The following NALF1 variants were observed in gnomAD, a reference collection of about 807,000 sequenced individuals.
NALF1 encodes family with sequence similarity 155 member A.
A neutral mutation model predicts 48.4 loss-of-function variants in NALF1; 3 were observed. The ratio of observed to expected loss-of-function variants is 0.06; its 90% CI spans 0.03 to 0.16. NALF1 has a LOEUF of 0.16. NALF1 is among the 10% of genes least tolerant of loss of function. The probability of loss-of-function intolerance (pLI) is 1.00; values close to 1 mark genes in which losing one functional copy is unlikely to be tolerated. For missense variants in NALF1, 526 were observed against 571.5 expected, an observed-to-expected ratio of 0.92 and a Z score of 0.81; for synonymous variants, 262 against 245.7, an observed-to-expected ratio of 1.07 and a Z score of -0.62.
At position 107,345,621 on chromosome 13, in the gene NALF1, A is replaced by C. The variant is rs190663079; in HGVS notation, c.916-134866T>G. 3.7e-3 allele frequency among the ~76,000 whole-genome samples: 560 copies of C among 152,314 alleles called. 3 individuals carry two copies. The highest frequency in any genetic ancestry group is 6.7e-3 in the Non-Finnish European group (455 of 68,024). ...TGATCAAGAACCCTTATCTTACACC[A>C]TATACAAAACTAAGTCAAAATGGAT... On this transcript the variant is annotated intron_variant, in intron 1 of 2. Coordinates refer to ENST00000375915, the MANE Select transcript of NALF1 (RefSeq NM_001080396.3).
intron 1 of NALF1, among the ~76,000 whole-genome samples, chr13:107,509,828 T>C (rs1309508137): frequency 6.6e-6 from 1 of 152,096 alleles, no homozygotes; most frequent in Non-Finnish European, 1.5e-5. Flanking sequence ...TTTTTTGAGT[T>C]AGGGTTTCAC....
At chr13:107,222,569 C>T (rs1037251034) in intron 1 of NALF1, among the ~76,000 whole-genome samples, 2 of 152,156 alleles carry the variant, frequency 1.3e-5, no homozygotes, top group East Asian at 1.9e-4. Context: ...GTGTTCGCCC[C>T]GCTTAGGAGA....
intron 1 of NALF1, among the ~76,000 whole-genome samples, chr13:107,710,970 G>A (rs1875573785): frequency 6.6e-6 from 1 of 151,668 alleles, no homozygotes; most frequent in Non-Finnish European, 1.5e-5. Flanking sequence ...ATGTATCGAT[G>A]AGTCTTATTT....
intron 1 of NALF1, among the ~76,000 whole-genome samples, chr13:107,497,574 A>G (rs1365491776): frequency 6.6e-6 from 1 of 152,172 alleles, no homozygotes; most frequent in Non-Finnish European, 1.5e-5. Context: ...CATCTTTCAG[A>G]ATGATTTCAG....
chr13:107,405,372 A>G (rs1032519942), intron 1 of NALF1, among the ~76,000 whole-genome samples: 5 of 152,076 alleles, frequency 3.3e-5, no homozygotes, highest in African/African-American at 1.2e-4. Context: ...CACTATATCC[A>G]TTATTGGCTG....
intron 1 of NALF1, among the ~76,000 whole-genome samples, chr13:107,823,296 G>A (rs1879410603): frequency 6.6e-6 from 1 of 152,168 alleles, no homozygotes; most frequent in African/African-American, 2.4e-5. Flanking sequence ...GAACTGTTGA[G>A]TTCAAGACCC....
Position 107,574,182 on chromosome 13 carries a change from C to T in NALF1, c.915+291500G>A, listed in dbSNP as rs1179218115. ...GAAAGAGAAACAAATTTTTGTCCTG[C>T]TTCAGCCAGTATTGTTTTGGAGTTT... On this transcript the variant is annotated intron_variant, in intron 1 of 2. Coordinates refer to ENST00000375915, the MANE Select transcript of NALF1 (RefSeq NM_001080396.3). Among the ~76,000 whole-genome samples, 4 of 152,148 alleles carry T rather than the reference C, an allele frequency of 2.6e-5. No homozygotes were observed. In the East Asian group the frequency reaches 7.7e-4, roughly 29 times the overall value.
intron 1 of NALF1, among the ~76,000 whole-genome samples, chr13:107,410,694 A>G (rs1305229364): frequency 6.6e-6 from 1 of 152,244 alleles, no homozygotes; most frequent in Non-Finnish European, 1.5e-5. Flanking sequence ...GGCACCTACA[A>G]TCTGGATTTT....
chr13:107,440,290 T>C (rs1594064137), intron 1 of NALF1, among the ~76,000 whole-genome samples: 2 of 151,934 alleles, frequency 1.3e-5, no homozygotes, highest in South Asian at 2.1e-4. Flanking sequence ...GTGGTGGGGG[T>C]TGGAGTAGCT....
chr13:107,515,472 A>G (rs971664213), intron 1 of NALF1, among the ~76,000 whole-genome samples: 2 of 152,188 alleles, frequency 1.3e-5, no homozygotes, highest in Non-Finnish European at 2.9e-5. Flanking sequence ...TGATCCATAT[A>G]TAACAGGAAA....
chr13:107,762,276 T>C (rs1257841449), intron 1 of NALF1, among the ~76,000 whole-genome samples: 1 of 151,546 alleles, frequency 6.6e-6, no homozygotes, highest in Non-Finnish European at 1.5e-5. Context: ...TTTGTGATGG[T>C]TGGAAATAAC....
chr13:107,206,441 G>A (rs1879645120), intron 2 of NALF1, among the ~76,000 whole-genome samples: 1 of 152,094 alleles, frequency 6.6e-6, no homozygotes, highest in African/African-American at 2.4e-5. Flanking sequence ...AAGGATCATA[G>A]GTAGCAGATG....
At chr13:107,547,723 G>A (rs767534823) in intron 1 of NALF1, among the ~76,000 whole-genome samples, 1 of 152,056 alleles carries the variant, frequency 6.6e-6, no homozygotes, top group Non-Finnish European at 1.5e-5. Flanking sequence ...CCACATTAGA[G>A]CAACTTCACC....
At chr13:107,523,556 A>C (rs998970370) in intron 1 of NALF1, among the ~76,000 whole-genome samples, 12 of 114,168 alleles carry the variant, frequency 1.1e-4, no homozygotes, top group African/African-American at 3.1e-4. Flanking sequence ...TGCATATCCA[A>C]CTCCAACCTT....
At chr13:107,403,130 T>G (rs1883837174) in intron 1 of NALF1, among the ~76,000 whole-genome samples, 1 of 147,746 alleles carries the variant, frequency 6.8e-6, no homozygotes, top group Non-Finnish European at 1.5e-5. Flanking sequence ...AAAGGACTAG[T>G]GTCCACACTT....
At chr13:107,389,672 G>A (rs1221934406) in intron 1 of NALF1, among the ~76,000 whole-genome samples, 1 of 152,048 alleles carries the variant, frequency 6.6e-6, no homozygotes, top group Non-Finnish European at 1.5e-5. Flanking sequence ...TTTGCTGTAT[G>A]TCCACCCACA....
intron 1 of NALF1, among the ~76,000 whole-genome samples, chr13:107,447,079 C>A (rs544812674): frequency 1.3e-5 from 2 of 152,206 alleles, no homozygotes; most frequent in Non-Finnish European, 2.9e-5. Context: ...GTTTGTTCAG[C>A]CCTCACTAAT....
intron 1 of NALF1, among the ~76,000 whole-genome samples, chr13:107,845,435 C>T (rs1413375592): frequency 6.6e-6 from 1 of 152,084 alleles, no homozygotes; most frequent in Non-Finnish European, 1.5e-5. Flanking sequence ...AATGGTGAAC[C>T]TCAGCCTTAG....
At chr13:107,427,835 T>G in intron 1 of NALF1, among the ~76,000 whole-genome samples, 1 of 152,150 alleles carries the variant, frequency 6.6e-6, no homozygotes, top group Admixed American at 6.5e-5. Flanking sequence ...AGCCTCCATC[T>G]AAATACTATT....
Sources: allele counts gnomAD v4.1 joint callset (sites outside exome capture counted in the v4.1 genomes callset), GRCh38; gene constraint gnomAD v4.1.1; transcripts MANE v1.5; gene names NCBI Gene and HGNC (gene_info 2026-07-23, HGNC 2026-07-21).